ADGRL3: variants seen among roughly 807,000 people sequenced by gnomAD.
ADGRL3 encodes adhesion G protein-coupled receptor L3, also known as calcium-independent alpha-latrotoxin receptor 3.
ADGRL3 carries 62 observed loss-of-function variants against 153.5 expected under a neutral mutation model. The ratio of observed to expected loss-of-function variants is 0.40; its 90% CI spans 0.33 to 0.50. The LOEUF (loss-of-function observed/expected upper bound fraction) is 0.50. ADGRL3 is among the 20% of genes least tolerant of loss of function. The pLI is 0.47. For synonymous variants in ADGRL3, 710 were observed against 672.5 expected (o/e 1.06, Z -0.86); for missense variants, 1,641 against 1,859.4 (o/e 0.88, Z 2.16).
At chr4:61,659,425 G>T (rs1460538955) in intron 5 of ADGRL3, among the ~76,000 whole-genome samples, 1 of 152,172 alleles carries the variant, frequency 6.6e-6, no homozygotes, top group Non-Finnish European at 1.5e-5. Flanking sequence ...GTTCTTGAAA[G>T]CATGTCCCAT....
At chr4:61,835,337 G>GAAAAAAAAAA (rs34440166) in intron 9 of ADGRL3, among the ~76,000 whole-genome samples, 14 of 33,050 alleles carry the variant, frequency 4.2e-4, no homozygotes, top group East Asian at 1.5e-3. Context: ...TGGCAAGACT[G>GAAAAAAAAAA]AAAAAAAAAA....
At chr4:61,455,525 G>C (rs1470594280) in intron 2 of ADGRL3, among the ~76,000 whole-genome samples, 3 of 152,044 alleles carry the variant, frequency 2.0e-5, no homozygotes, top group Non-Finnish European at 4.4e-5. Flanking sequence ...GAACAAAACA[G>C]ACAGCACTGA....
intron 24 of ADGRL3, among the ~76,000 whole-genome samples, chr4:62,041,394 C>A (rs911269511): frequency 6.6e-6 from 1 of 151,708 alleles, no homozygotes; most frequent in East Asian, 1.9e-4. Context: ...ATTTATCTTT[C>A]ATATATTTTA....
At chr4:61,805,709 C>T (rs1011758116) in intron 8 of ADGRL3, among the ~76,000 whole-genome samples, 1 of 151,954 alleles carries the variant, frequency 6.6e-6, no homozygotes, top group Non-Finnish European at 1.5e-5. Flanking sequence ...ATACAATTGC[C>T]CCCTACCTAA....
chr4:61,283,040 A>T (rs2093787408), intron 1 of ADGRL3, among the ~76,000 whole-genome samples: 1 of 152,022 alleles, frequency 6.6e-6, no homozygotes, highest in Non-Finnish European at 1.5e-5. Flanking sequence ...ATCATGGTTC[A>T]GATATATTTT....
At chr4:61,830,696 A>G (rs934514851) in intron 9 of ADGRL3, among the ~76,000 whole-genome samples, 3 of 152,160 alleles carry the variant, frequency 2.0e-5, no homozygotes, top group African/African-American at 7.2e-5. Context: ...AGGAAACCGA[A>G]TGCTACAGAA....
At chr4:61,493,148 A>C (rs1310266473) in intron 2 of ADGRL3, among the ~76,000 whole-genome samples, 1 of 152,174 alleles carries the variant, frequency 6.6e-6, no homozygotes, top group Non-Finnish European at 1.5e-5. Flanking sequence ...TTAGCTATTA[A>C]AACATATTGT....
chr4:61,644,591 C>A (rs566210363), intron 5 of ADGRL3, among the ~76,000 whole-genome samples: 1 of 152,068 alleles, frequency 6.6e-6, no homozygotes, highest in Admixed American at 6.6e-5. Context: ...TGTAGTTGAG[C>A]GGTTTTGCGT....
chr4:61,771,104 A>T (rs2097080172), intron 8 of ADGRL3, among the ~76,000 whole-genome samples: 3 of 152,200 alleles, frequency 2.0e-5, no homozygotes, highest in Admixed American at 2.0e-4. Context: ...TAAGGTGTGA[A>T]TTCTACCCCA....
chr4:61,321,956 G>C (rs2095365376), intron 1 of ADGRL3, among the ~76,000 whole-genome samples: 1 of 152,044 alleles, frequency 6.6e-6, no homozygotes, highest in African/African-American at 2.4e-5. Context: ...CTGCAACCCA[G>C]GAAAACCCAC....
In ADGRL3 at chr4:62,070,162, A is replaced by C; in HGVS notation, c.3886A>C (p.Asn1296His). ...AAGTGTCATGGATACTCTACCACTGAATGGTAACCATGGCAATAGTTACAG... is the reference window on the plus strand; with the variant it reads ...AAGTGTCATGGATACTCTACCACTGCATGGTAACCATGGCAATAGTTACAG... Reference protein sequence around the residue: ...DTSVMDTLPLNGNHGNSYSIA... With the variant: ...DTSVMDTLPLHGNHGNSYSIA... The change falls in exon 27 of 27, where the codon AAT becomes CAT. Residue 1296 changes from asparagine (N) to histidine (H), a missense_variant. Around this residue, in one of 5 missense-constraint regions of ADGRL3, gnomAD observed 517 missense variants for 555.0 expected, o/e 0.93. Transcript: ENST00000683033. 1 of 1,614,058 alleles carries C rather than the reference A, an allele frequency of 6.2e-7. No individual in the cohort carries two copies. Among genetic ancestry groups the C allele is most frequent in the South Asian group, 1.1e-5 (1 of 91,086 alleles).
chr4:61,406,082 G>A (rs1168892314), intron 2 of ADGRL3, among the ~76,000 whole-genome samples: 1 of 151,844 alleles, frequency 6.6e-6, no homozygotes, highest in Non-Finnish European at 1.5e-5. Context: ...CTTATTGAGA[G>A]CGCCCTATAT....
intron 5 of ADGRL3, among the ~76,000 whole-genome samples, chr4:61,647,842 CACTG>C (rs1326536801): frequency 6.6e-6 from 1 of 151,878 alleles, no homozygotes; most frequent in Non-Finnish European, 1.5e-5. Flanking sequence ...ACCAGTTTTC[CACTG>C]TAAGTTTTCT....
Position 61,487,753 on chromosome 4 carries a change from A to G in ADGRL3, c.-173-9368A>G, listed in dbSNP as rs181577343. Among the ~76,000 whole-genome samples the G allele has an allele frequency of 1.8e-4, 27 of 152,174 alleles. No homozygotes were observed. In the East Asian group the frequency reaches 5.0e-3, roughly 28 times the overall value. On this transcript the variant is annotated intron_variant, in intron 2 of 26. Coordinates refer to ENST00000683033, the MANE Select transcript of ADGRL3 (RefSeq NM_001387552.1). ...TTTTTCATAACTAGTTATCATGAAT[A>G]TTTGAGATTTTATGCGTGATTTTAT...
intron 4 of ADGRL3, among the ~76,000 whole-genome samples, chr4:61,586,744 A>G (rs1021172087): frequency 6.6e-6 from 1 of 152,100 alleles, no homozygotes; most frequent in African/African-American, 2.4e-5. Context: ...TGAACTCACA[A>G]AGTATTGCCT....
At chr4:61,221,852 T>A (rs972373222) in intron 1 of ADGRL3, among the ~76,000 whole-genome samples, 12 of 152,116 alleles carry the variant, frequency 7.9e-5, no homozygotes, top group South Asian at 2.1e-4. Flanking sequence ...TATAGTTTTG[T>A]CTAGCTGTCA....
intron 1 of ADGRL3, among the ~76,000 whole-genome samples, chr4:61,377,576 A>G (rs1213465906): frequency 6.6e-6 from 1 of 152,092 alleles, no homozygotes; most frequent in Non-Finnish European, 1.5e-5. Context: ...AAATGCTACC[A>G]GATAGAAAAG....
At chr4:61,813,705 A>G in intron 8 of ADGRL3, 104 bp from the exon 9 acceptor site, 1 of 1,335,800 alleles carries the variant, frequency 7.5e-7, no homozygotes, top group Non-Finnish European at 1.0e-6. Flanking sequence ...AATTTAGGCT[A>G]TTAATTCAGT....
intron 17 of ADGRL3, among the ~76,000 whole-genome samples, chr4:61,977,305 T>C (rs1581714657): frequency 1.3e-5 from 2 of 152,162 alleles, no homozygotes; most frequent in East Asian, 3.9e-4. Context: ...GAAAGACTGC[T>C]GTGCTAAACG....
Sources: gnomAD v4.1 joint callset for allele counts (sites outside exome capture counted in the v4.1 genomes callset) on GRCh38, gnomAD v4.1.1 for gene constraint, gnomAD v4.1.1 regional missense constraint, MANE v1.5 for transcripts, NCBI Gene and HGNC (gene_info 2026-07-23, HGNC 2026-07-21) for gene names.